The following PRKN variants were observed in gnomAD, a reference collection of about 807,000 sequenced individuals.
PRKN encodes E3 ubiquitin-protein ligase parkin.
A neutral mutation model predicts 59.5 loss-of-function variants in PRKN; 56 were observed. That is an observed-to-expected ratio of 0.94 (90% CI 0.76 to 1.18). The LOEUF (loss-of-function observed/expected upper bound fraction) is 1.18, where lower values mean the gene tolerates loss of function less well. Ranked by LOEUF, PRKN falls within the 50% of genes most tolerant of loss-of-function variation. PRKN has a pLI of 0.00. For synonymous variants in PRKN, 250 were observed against 222.1 expected, an observed-to-expected ratio of 1.13 and a Z score of -1.12; for missense variants, 657 against 596.4, an observed-to-expected ratio of 1.10 and a Z score of -1.06.
chr6:161,712,065 T>A (rs557410522), intron 7 of PRKN, among the ~76,000 whole-genome samples: 1 of 152,170 alleles, frequency 6.6e-6, no homozygotes, highest in Admixed American at 6.5e-5. Context: ...CTTTCATATA[T>A]ACAACACCTA....
At chr6:162,276,041 C>T (rs945426727) in intron 2 of PRKN, among the ~76,000 whole-genome samples, 11 of 152,138 alleles carry the variant, frequency 7.2e-5, no homozygotes, top group East Asian at 1.9e-4. Flanking sequence ...TTAAAGATGA[C>T]GATGTGGATG....
intron 5 of PRKN, among the ~76,000 whole-genome samples, chr6:161,990,927 A>G (rs1781621754): frequency 6.6e-6 from 1 of 152,168 alleles, no homozygotes. Flanking sequence ...AATTCGACTC[A>G]AAAATGTCTT....
At chr6:161,708,952 C>T (rs1054238564) in intron 7 of PRKN, among the ~76,000 whole-genome samples, 3 of 152,224 alleles carry the variant, frequency 2.0e-5, no homozygotes, top group Non-Finnish European at 4.4e-5. Context: ...AAAGGTTACA[C>T]ATCTGTGCTG....
rs187120738 is a variant in PRKN, at chr6:161,528,713, T to C, written c.1083+20141A>G. 1.3e-3 allele frequency among the ~76,000 whole-genome samples: 195 copies of C among 152,298 alleles called. 1 individual carries two copies. The highest frequency in any genetic ancestry group is 2.4e-3 in the Non-Finnish European group (160 of 68,026). The stretch of plus-strand genomic sequence containing the variant: ...AGACTTCTGCAGTAAAGGGTTGAGG[T>C]TAGACACTGAGTAACTTCTTGTCAG... On this transcript the variant is annotated intron_variant, in intron 9 of 11. Coordinates refer to ENST00000366898, the MANE Select transcript of PRKN (RefSeq NM_004562.3).
intron 7 of PRKN, among the ~76,000 whole-genome samples, chr6:161,677,409 G>T (rs574255260): frequency 5.2e-4 from 79 of 152,300 alleles, no homozygotes; most frequent in Middle Eastern, 3.4e-3. Flanking sequence ...TAGAAATGCG[G>T]ACTCTGATGA....
intron 1 of PRKN, among the ~76,000 whole-genome samples, chr6:162,642,122 G>A (rs941214781): frequency 6.6e-6 from 1 of 152,010 alleles, no homozygotes; most frequent in Non-Finnish European, 1.5e-5. Context: ...CTAATTTTTA[G>A]CAGATATTAC....
rs1281958838 is a variant in PRKN, at chr6:161,530,200, C to G, written c.1083+18654G>C. Among the ~76,000 whole-genome samples the G allele has an allele frequency of 1.3e-5, 2 of 152,136 alleles. No individual in the cohort carries two copies. Among genetic ancestry groups the G allele is most frequent in the East Asian group, 3.9e-4 (2 of 5,174 alleles). ...AGCACAGGAAAGAGAACAAAGAGAA[C>G]AAAAACTACTTGGATTGTCTGGAGG... is the stretch of plus-strand genomic sequence containing the variant. On this transcript the variant is annotated intron_variant, in intron 9 of 11. Transcript: ENST00000366898. The surrounding 1 kb of genome is among the most constrained non-coding windows in gnomAD (Gnocchi z 5.0).
intron 7 of PRKN, among the ~76,000 whole-genome samples, chr6:161,655,545 G>A (rs893617140): frequency 3.3e-5 from 5 of 152,242 alleles, no homozygotes; most frequent in African/African-American, 1.2e-4. Flanking sequence ...ACAGGGAAGA[G>A]ACCCCTCTGC....
chr6:161,484,561 T>G lies in PRKN; in HGVS notation c.1083+64293A>C, dbSNP rs1398797948. On this transcript the variant is annotated intron_variant, in intron 9 of 11. Coordinates refer to ENST00000366898, the MANE Select transcript of PRKN (RefSeq NM_004562.3). This position sits in a 1 kb window ranked among gnomAD's most constrained non-coding sequence, Gnocchi z 4.9. ...ATGAGACAGTTGACACTTGGGAAGC[T>G]TAGGAAGGTTTCCCAAAGCAAGCTG... is the stretch of plus-strand genomic sequence containing the variant. Among the ~76,000 whole-genome samples the G allele has an allele frequency of 6.6e-6, 1 of 152,122 alleles. No homozygotes were observed. The highest frequency in any genetic ancestry group is 1.5e-5 in the Non-Finnish European group (1 of 68,028).
chr6:161,919,123 C>T (rs1267667200), intron 6 of PRKN, among the ~76,000 whole-genome samples: 3 of 152,130 alleles, frequency 2.0e-5, no homozygotes, highest in Non-Finnish European at 4.4e-5. Context: ...CGCAAATGTC[C>T]ATCTACTGGT....
chr6:162,048,222 T>C (rs370529318), intron 5 of PRKN, among the ~76,000 whole-genome samples: 1 of 152,168 alleles, frequency 6.6e-6, no homozygotes, highest in Non-Finnish European at 1.5e-5. Context: ...GCTTGTGTAA[T>C]AGGAAATCAA....
At chr6:161,640,192 A>C (rs1562576386) in intron 7 of PRKN, among the ~76,000 whole-genome samples, 1 of 152,212 alleles carries the variant, frequency 6.6e-6, no homozygotes, top group Non-Finnish European at 1.5e-5. Context: ...TCATATGAAA[A>C]TACTTTTTCT....
At position 161,724,494 on chromosome 6, in the gene PRKN, C is replaced by A. The variant is rs370648206; in HGVS notation, c.871+61278G>T. Among the ~76,000 whole-genome samples, 12 of 152,326 alleles carry A rather than the reference C, an allele frequency of 7.9e-5. No individual in the cohort carries two copies. The East Asian group carries it at 2.1e-3, about 27-fold the overall frequency. On this transcript the variant is annotated intron_variant, in intron 7 of 11. Transcript: ENST00000366898. ...TGAATTGGAAAGCTGAAAAATTATA[C>A]TCTCAGTACTGCTGGTTACATTTGC...
At chr6:161,958,401 A>G (rs1780261771) in intron 6 of PRKN, among the ~76,000 whole-genome samples, 1 of 152,170 alleles carries the variant, frequency 6.6e-6, no homozygotes, top group Non-Finnish European at 1.5e-5. Flanking sequence ...TGACTATTTG[A>G]ATGTTTTATG....
chr6:161,878,701 AC>A (rs1269334568), intron 6 of PRKN, among the ~76,000 whole-genome samples: 2 of 152,162 alleles, frequency 1.3e-5, no homozygotes, highest in Non-Finnish European at 2.9e-5. Context: ...AAGGTGGCAG[AC>A]CCCAAAGCCA....
chr6:162,048,275 ATTACT>A (rs1042348193), intron 5 of PRKN, among the ~76,000 whole-genome samples: 29 of 152,328 alleles, frequency 1.9e-4, no homozygotes, highest in Admixed American at 1.4e-3. Context: ...TTGGTCATTT[ATTACT>A]TTAAAGAGAT....
At chr6:162,688,422 A>G (rs1777647355) in intron 1 of PRKN, among the ~76,000 whole-genome samples, 1 of 152,218 alleles carries the variant, frequency 6.6e-6, no homozygotes, top group Non-Finnish European at 1.5e-5. Flanking sequence ...AGATTTGTAC[A>G]GTTCAATATT....
intron 4 of PRKN, among the ~76,000 whole-genome samples, chr6:162,158,470 C>T (rs1183947600): frequency 4.0e-5 from 6 of 149,600 alleles, no homozygotes; most frequent in Admixed American, 2.7e-4. Flanking sequence ...CCCACTCTGT[C>T]GCCCAGGCTG....
At chr6:162,619,743 T>C (rs538031438) in intron 1 of PRKN, among the ~76,000 whole-genome samples, 6 of 151,994 alleles carry the variant, frequency 3.9e-5, no homozygotes, top group Admixed American at 2.6e-4. Context: ...CTACCGCAGA[T>C]AGGCAAGCAG....
Sources: allele counts gnomAD v4.1 joint callset (sites outside exome capture counted in the v4.1 genomes callset), GRCh38; gene constraint gnomAD v4.1.1; non-coding constraint Gnocchi (gnomAD v3.1); transcripts MANE v1.5; gene names NCBI Gene and HGNC (gene_info 2026-07-23, HGNC 2026-07-21).